The following SLC22A23 variants were observed in gnomAD, a reference collection of about 807,000 sequenced individuals.
The protein encoded by SLC22A23 is ion transporter protein.
A neutral mutation model predicts 61.0 loss-of-function variants in SLC22A23; 26 were observed. The observed-to-expected ratio is 0.43, with a 90% CI of 0.31 to 0.59. The LOEUF (loss-of-function observed/expected upper bound fraction) is 0.59. SLC22A23 is among the 20% of genes least tolerant of loss of function. The pLI is 0.11. For synonymous variants in SLC22A23, 430 were observed against 413.9 expected, an observed-to-expected ratio of 1.04 and a Z score of -0.47; for missense variants, 796 against 934.7, an observed-to-expected ratio of 0.85 and a Z score of 1.94.
intron 3 of SLC22A23, among the ~76,000 whole-genome samples, chr6:3,379,456 C>T (rs1007140967): frequency 2.0e-5 from 3 of 152,126 alleles, no homozygotes; most frequent in Non-Finnish European, 2.9e-5. Context: ...ACAGAACTAT[C>T]GAACACCATG....
At chr6:3,275,395 C>T (rs926467185) in intron 9 of SLC22A23, among the ~76,000 whole-genome samples, 5 of 152,100 alleles carry the variant, frequency 3.3e-5, no homozygotes, top group African/African-American at 1.2e-4. Context: ...AGCTTTATGA[C>T]GTTGGGTTAG....
rs1581786060 is a variant in SLC22A23 at position 3,380,159 on chromosome 6, T to C, written c.913+30029A>G. On this transcript the variant is annotated intron_variant, in intron 3 of 9. Coordinates refer to ENST00000406686, the MANE Select transcript of SLC22A23 (RefSeq NM_015482.2). ...GTAGCGCTTGATATCTGAACAACAC[T>C]GACTCCATAGGGGTGAGTGGCTTAC... 3.3e-5 allele frequency among the ~76,000 whole-genome samples: 5 copies of C among 152,320 alleles called. No homozygotes were observed. In the South Asian group the frequency reaches 1.0e-3, roughly 32 times the overall value.
intron 1 of SLC22A23, among the ~76,000 whole-genome samples, chr6:3,434,878 AGT>A (rs1771106580): frequency 3.3e-5 from 5 of 151,764 alleles, no homozygotes; most frequent in Non-Finnish European, 5.9e-5. Context: ...GAGATGTGAA[AGT>A]TTCCCACAGA....
chr6:3,420,755 A>G (rs1021385523), intron 1 of SLC22A23, among the ~76,000 whole-genome samples: 1 of 152,262 alleles, frequency 6.6e-6, no homozygotes, highest in African/African-American at 2.4e-5. Context: ...AAGCGCCCAC[A>G]TGATTAACCA....
intron 7 of SLC22A23, among the ~76,000 whole-genome samples, chr6:3,285,983 G>A (rs890694485): frequency 6.6e-6 from 1 of 152,174 alleles, no homozygotes; most frequent in African/African-American, 2.4e-5. Flanking sequence ...GTCGCGCCCT[G>A]GGCTGGCCAC....
intron 4 of SLC22A23, chr6:3,312,196 A>T (rs1013291139): frequency 6.6e-6 from 1 of 152,234 alleles, no homozygotes. Flanking sequence ...CTTAATTCAT[A>T]TTATAAGCGG....
At chr6:3,299,180 C>T (rs1277652135) in intron 4 of SLC22A23, among the ~76,000 whole-genome samples, 9 of 152,092 alleles carry the variant, frequency 5.9e-5, no homozygotes, top group Non-Finnish European at 1.2e-4. Flanking sequence ...CGGATATGAA[C>T]AACATTCTAC....
At chr6:3,325,739 A>C (rs1763242564) in intron 3 of SLC22A23, among the ~76,000 whole-genome samples, 1 of 152,276 alleles carries the variant, frequency 6.6e-6, no homozygotes, top group Admixed American at 6.5e-5. Flanking sequence ...AAGCACAAGC[A>C]GTAAATTGGC....
At chr6:3,290,048 A>C in intron 5 of SLC22A23, 182 bp from the exon 6 acceptor site, 1 of 628,030 alleles carries the variant, frequency 1.6e-6, no homozygotes, top group Non-Finnish European at 2.8e-6. Context: ...GGCACTCATA[A>C]GACCCCAGCT....
rs988941452 is a variant in SLC22A23 at position 3,324,712 on chromosome 6, C to T, written c.914-710G>A. ...GCCACTGCAACACGGGTGAGTCATGCATCCTTTCTCTGTCTCTATTGGACA... is the reference window on the plus strand; with the variant it reads ...GCCACTGCAACACGGGTGAGTCATGTATCCTTTCTCTGTCTCTATTGGACA... On this transcript the variant is annotated intron_variant, in intron 3 of 9. Coordinates refer to ENST00000406686, the MANE Select transcript of SLC22A23 (RefSeq NM_015482.2). This position sits in a 1 kb window ranked among gnomAD's most constrained non-coding sequence, Gnocchi z 4.3. Among the ~76,000 whole-genome samples, 2 of 152,248 alleles carry T rather than the reference C, an allele frequency of 1.3e-5. No homozygotes were observed. Among genetic ancestry groups the T allele is most frequent in the Admixed American group, 1.3e-4 (2 of 15,284 alleles).
chr6:3,298,844 C>T lies in SLC22A23; in HGVS notation c.1083-626G>A, dbSNP rs368530140. 3.2e-3 allele frequency among the ~76,000 whole-genome samples: 486 copies of T among 151,462 alleles called. 3 individuals carry two copies. Among genetic ancestry groups the T allele is most frequent in the African/African-American group, 0.011 (468 of 41,234 alleles). On this transcript the variant is annotated intron_variant, in intron 4 of 9. Coordinates refer to ENST00000406686, the MANE Select transcript of SLC22A23 (RefSeq NM_015482.2). ...AAAATTAGCCGGGCGCAGTGGCGGG[C>T]GCCTGTAGTCCCAGCTACTCGGGAG...
At chr6:3,447,595 T>TG (rs1771959645) in intron 1 of SLC22A23, among the ~76,000 whole-genome samples, 1 of 147,968 alleles carries the variant, frequency 6.8e-6, no homozygotes, top group Admixed American at 6.7e-5. Context: ...TTTTTTTTTT[T>TG]TTTTTTTGTC....
In SLC22A23 at chr6:3,298,164, T is replaced by A; in HGVS notation, c.1137A>T (p.Ala379=). 2 of 1,593,122 alleles carry A rather than the reference T, an allele frequency of 1.3e-6. No homozygotes were observed. The highest frequency in any genetic ancestry group is 1.7e-6 in the Non-Finnish European group (2 of 1,172,188). The change falls in exon 5 of 10, where the codon GCA becomes GCT. Residue 379 remains alanine (A), a synonymous_variant. Coordinates refer to ENST00000406686, the MANE Select transcript of SLC22A23 (RefSeq NM_015482.2). Reference sequence around the variant, plus strand: ...GTGTGAAGTGGAGGATCAGCCTCTTTGCAGACTCAAACTGCTGGGTGGCCA... The same window carrying A: ...GTGTGAAGTGGAGGATCAGCCTCTTAGCAGACTCAAACTGCTGGGTGGCCA... The part of the protein sequence containing the change: ...WLMATQQFES[A]KRLILHFTQK...
chr6:3,340,840 C>G (rs967327038), intron 3 of SLC22A23, among the ~76,000 whole-genome samples: 6 of 152,170 alleles, frequency 3.9e-5, no homozygotes, highest in African/African-American at 1.2e-4. Flanking sequence ...TTTGGGAAAA[C>G]AGAAACCAGG....
rs1763420903 is a variant in SLC22A23, at chr6:3,328,805, G to T, written c.914-4803C>A. Among the ~76,000 whole-genome samples, 1 of 152,128 alleles carries T rather than the reference G, an allele frequency of 6.6e-6. No individual in the cohort carries two copies. The highest frequency in any genetic ancestry group is 1.5e-5 in the Non-Finnish European group (1 of 68,018). ...TATCTCCTGTTGTTTCCTCTTCTCT[G>T]GTTGAACTCTGAGGCGGAGGTCAGG... On this transcript the variant is annotated intron_variant, in intron 3 of 9. Coordinates refer to ENST00000406686, the MANE Select transcript of SLC22A23 (RefSeq NM_015482.2). This position sits in a 1 kb window ranked among gnomAD's most constrained non-coding sequence, Gnocchi z 5.0.
At chr6:3,448,773 C>T (rs954324339) in intron 1 of SLC22A23, among the ~76,000 whole-genome samples, 5 of 152,164 alleles carry the variant, frequency 3.3e-5, no homozygotes, top group East Asian at 1.9e-4. Flanking sequence ...GGATTACAGG[C>T]GTGAGCAACC....
intron 3 of SLC22A23, among the ~76,000 whole-genome samples, chr6:3,339,815 C>T (rs1764054563): frequency 6.6e-6 from 1 of 152,230 alleles, no homozygotes. Context: ...GGGCAACCAG[C>T]AGCTTTTGCG....
chr6:3,330,365 T>C lies in SLC22A23; in HGVS notation c.914-6363A>G, dbSNP rs73720504. Among the ~76,000 whole-genome samples the C allele has an allele frequency of 6.6e-6, 1 of 152,342 alleles. No individual in the cohort carries two copies. The highest frequency in any genetic ancestry group is 1.5e-5 in the Non-Finnish European group (1 of 68,020). On this transcript the variant is annotated intron_variant, in intron 3 of 9. Coordinates refer to ENST00000406686, the MANE Select transcript of SLC22A23 (RefSeq NM_015482.2). The surrounding 1 kb of genome is among the most constrained non-coding windows in gnomAD (Gnocchi z 4.7). ...CCACCTGGAGACCACCACAGTCCTC[T>C]GAAGACAGCCCCATCATCCTGGACT... is the stretch of plus-strand genomic sequence containing the variant.
chr6:3,405,021 G>T (rs1389988535), intron 3 of SLC22A23, among the ~76,000 whole-genome samples: 2 of 152,060 alleles, frequency 1.3e-5, no homozygotes, highest in African/African-American at 2.4e-5. Flanking sequence ...GGCACTTTGG[G>T]AGGCCGAGGC....
Sources: allele counts gnomAD v4.1 joint callset (sites outside exome capture counted in the v4.1 genomes callset), GRCh38; gene constraint gnomAD v4.1.1; non-coding constraint Gnocchi (gnomAD v3.1); transcripts MANE v1.5; gene names NCBI Gene and HGNC (gene_info 2026-07-23, HGNC 2026-07-21).